Variants in GRB10 observed in about 807,000 individuals in gnomAD.
GRB10 encodes growth factor receptor-bound protein 10.
In GRB10, 20 loss-of-function variants were observed where a neutral mutation model predicts 80.9. The ratio of observed to expected loss-of-function variants is 0.25; its 90% confidence interval spans 0.17 to 0.36. The LOEUF (loss-of-function observed/expected upper bound fraction) is 0.36. Among genes scored for constraint, GRB10 ranks in the 10% least tolerant of loss-of-function variants. The probability of loss-of-function intolerance (pLI) is 1.00; values close to 1 mark genes in which losing one functional copy is unlikely to be tolerated. For missense variants in GRB10, 548 were observed against 747.7 expected, an observed-to-expected ratio of 0.73 and a Z score of 3.12; for synonymous variants, 291 against 291.5, an observed-to-expected ratio of 1.00 and a Z score of 0.02.
At chr7:50,674,113 T>A (rs1037013833) in intron 6 of GRB10, among the ~76,000 whole-genome samples, 2 of 152,182 alleles carry the variant, frequency 1.3e-5, no homozygotes, top group Non-Finnish European at 2.9e-5. Context: ...TGCAATCAGC[T>A]CCATGGCTGT....
At chr7:50,735,269 C>T (rs1477373337) in intron 3 of GRB10, among the ~76,000 whole-genome samples, 16 of 152,144 alleles carry the variant, frequency 1.1e-4, no homozygotes, top group Non-Finnish European at 2.4e-4. Context: ...ACTACTTGTA[C>T]ACTGAAAACT....
intron 3 of GRB10, among the ~76,000 whole-genome samples, chr7:50,754,024 T>A (rs2074617600): frequency 6.6e-6 from 1 of 152,188 alleles, no homozygotes; most frequent in Admixed American, 6.5e-5. Flanking sequence ...AACAAATCTA[T>A]GTCACCAATG....
intron 5 of GRB10, among the ~76,000 whole-genome samples, chr7:50,687,093 G>C (rs538973020): frequency 2.0e-5 from 3 of 152,276 alleles, no homozygotes; most frequent in Non-Finnish European, 2.9e-5. Flanking sequence ...TCAAGCGGTA[G>C]AATTTTCCCG....
chr7:50,617,315 T>C (rs930262106), intron 10 of GRB10, among the ~76,000 whole-genome samples: 3 of 152,242 alleles, frequency 2.0e-5, no homozygotes, highest in African/African-American at 4.8e-5. Flanking sequence ...GAGAATTCTG[T>C]AGGAACTACA....
chr7:50,745,325 G>A (rs1423085536), intron 3 of GRB10, among the ~76,000 whole-genome samples: 1 of 152,076 alleles, frequency 6.6e-6, no homozygotes, highest in Non-Finnish European at 1.5e-5. Flanking sequence ...TTAAAGATTT[G>A]TTTCTACCTT....
At chr7:50,720,951 T>G (rs1306212271) in intron 4 of GRB10, among the ~76,000 whole-genome samples, 1 of 152,118 alleles carries the variant, frequency 6.6e-6, no homozygotes, top group Non-Finnish European at 1.5e-5. Context: ...CCAAATCCAG[T>G]GCAGGAAATT....
intron 7 of GRB10, among the ~76,000 whole-genome samples, chr7:50,647,709 C>A (rs371999809): frequency 6.6e-6 from 1 of 152,186 alleles, no homozygotes; most frequent in Admixed American, 6.5e-5. Flanking sequence ...CCCTCCCAGG[C>A]GGCAGAAACT....
rs1374704899 is a variant in GRB10, at chr7:50,732,294, A to C, written c.29T>G (p.Phe10Cys). 6.2e-7 allele frequency: 1 copy of C among 1,614,006 alleles called. No homozygotes were observed. Among genetic ancestry groups the C allele is most frequent in the Non-Finnish European group, 8.5e-7 (1 of 1,180,000 alleles). Reference protein sequence around the residue: MALAGCPDSFLHHPYYQDKV... With the variant: MALAGCPDSCLHHPYYQDKV... The stretch of plus-strand genomic sequence containing the variant: ...TACCTGGTAGTACGGATGGTGCAAA[A>C]AGGAATCTGGGCAGCCGGCTAAAGC... Residue 10 changes from phenylalanine (F) to cysteine (C), a missense_variant, in exon 4 of 19, where the codon TTT becomes TGT. Physicochemically the swap from Phe to Cys is radical, Grantham distance 205. Transcript: ENST00000401949.
At chr7:50,646,290 G>GGGTT (rs1427745352) in intron 7 of GRB10, among the ~76,000 whole-genome samples, 2 of 152,170 alleles carry the variant, frequency 1.3e-5, no homozygotes, top group African/African-American at 4.8e-5. Flanking sequence ...CATCAAAAGA[G>GGGTT]GGTTGAGGTA....
At chr7:50,786,295 G>A (rs1020697401), upstream of GRB10, among the ~76,000 whole-genome samples, 1 of 152,026 alleles carries the variant, frequency 6.6e-6, no homozygotes, top group African/African-American at 2.4e-5. Context: ...AGAGAGAAGA[G>A]GAAAATGGAA....
chr7:50,702,779 T>G (rs751910575), intron 5 of GRB10, among the ~76,000 whole-genome samples: 7 of 152,230 alleles, frequency 4.6e-5, no homozygotes, highest in Non-Finnish European at 1.0e-4. Flanking sequence ...TGTAGAATAT[T>G]TGAGTGTACA....
At chr7:50,602,798 T>C (rs2047837257) in intron 17 of GRB10, among the ~76,000 whole-genome samples, 1 of 152,194 alleles carries the variant, frequency 6.6e-6, no homozygotes, top group Non-Finnish European at 1.5e-5. Context: ...TGTAATAACA[T>C]TGCAGTTATA....
chr7:50,594,326 G>A (rs1161729747), intron 18 of GRB10, among the ~76,000 whole-genome samples: 1 of 152,184 alleles, frequency 6.6e-6, no homozygotes, highest in African/African-American at 2.4e-5. Flanking sequence ...GTGGCACACT[G>A]CCTTCCCCTG....
rs576318575 is a variant in GRB10 at position 50,644,834 on chromosome 7, A to G, written c.505-17856T>C. Among the ~76,000 whole-genome samples, 67 of 152,322 alleles carry G rather than the reference A, an allele frequency of 4.4e-4. No individual in the cohort carries two copies. The South Asian group carries it at 0.014, about 31-fold the overall frequency. On this transcript the variant is annotated intron_variant, in intron 7 of 18. Coordinates refer to ENST00000401949, the MANE Select transcript of GRB10 (RefSeq NM_001350814.2). ...AAGAAGGTGTGGGCAGATGCTAGAC[A>G]GACAGAACAATGACAGACAGGTGGA... is the stretch of plus-strand genomic sequence containing the variant.
Position 50,761,136 on chromosome 7 carries a change from G to A in GRB10, c.-216-5080C>T, listed in dbSNP as rs560220940. 1.1e-4 allele frequency among the ~76,000 whole-genome samples: 17 copies of A among 152,270 alleles called. No individual in the cohort carries two copies. The South Asian group carries it at 2.5e-3, about 22-fold the overall frequency. On this transcript the variant is annotated intron_variant, in intron 2 of 18. Coordinates refer to ENST00000401949, the MANE Select transcript of GRB10 (RefSeq NM_001350814.2). ...GATGCAGAAACCAAGGCTAGGAGAC[G>A]GTAATTATATGCCAAGGCCACACAG...
At position 50,617,739 on chromosome 7, in the gene GRB10, G is replaced by C. The variant is rs988724997; in HGVS notation, c.846+332C>G. The C allele has an allele frequency of 9.5e-6, 4 of 422,706 alleles. No homozygotes were observed. The Admixed American group carries it at 1.2e-4, about 12-fold the overall frequency. 26.2% of individuals were successfully genotyped at this position (422,706 alleles called of 1,614,324 possible). A position where few individuals can be genotyped will look rare whatever the true frequency, so the allele number is the denominator to read the frequency against. On this transcript the variant is annotated intron_variant, in intron 10 of 18. Transcript: ENST00000401949. ...TGGGACCCCTGCTCAGAAAGGAGCT[G>C]GGGAGGGAGCCCTGAGACTGGGGTT... is the stretch of plus-strand genomic sequence containing the variant.
chr7:50,623,090 G>C (rs2299151), intron 8 of GRB10, among the ~76,000 whole-genome samples: 4 of 152,278 alleles, frequency 2.6e-5, no homozygotes, highest in Non-Finnish European at 5.9e-5. Context: ...CACCATGCTC[G>C]GGGCAGAAGG....
intron 7 of GRB10, among the ~76,000 whole-genome samples, chr7:50,628,222 T>C (rs1165345092): frequency 2.6e-5 from 4 of 152,152 alleles, no homozygotes; most frequent in African/African-American, 7.2e-5. Context: ...CTCCAAATAA[T>C]CTTTGTCCCG....
chr7:50,663,144 G>A (rs867110353), intron 7 of GRB10, among the ~76,000 whole-genome samples: 23 of 152,212 alleles, frequency 1.5e-4, no homozygotes, highest in African/African-American at 5.5e-4. Context: ...AGCCAGCACA[G>A]CCTGGGAAGG....
Sources: gnomAD v4.1 joint callset for allele counts (sites outside exome capture counted in the v4.1 genomes callset) on GRCh38, gnomAD v4.1.1 for gene constraint, MANE v1.5 for transcripts, NCBI Gene and HGNC (gene_info 2026-07-23, HGNC 2026-07-21) for gene names.